The following DNAH2 variants were observed in gnomAD, a reference collection of about 807,000 sequenced individuals.
The protein encoded by DNAH2 is axonemal beta dynein heavy chain 2.
In DNAH2, 323 loss-of-function variants were observed where a neutral mutation model predicts 523.5. The observed-to-expected ratio is 0.62, with a 90% CI of 0.56 to 0.68. The LOEUF (loss-of-function observed/expected upper bound fraction) is 0.68, where lower values mean the gene tolerates loss of function less well. Ranked by LOEUF, DNAH2 falls within the 30% of genes least tolerant of loss-of-function variation. The pLI is 0.00. For synonymous variants in DNAH2, 2,093 were observed against 2,177.4 expected, an observed-to-expected ratio of 0.96 and a Z score of 1.08; for missense variants, 4,907 against 5,701.5, an observed-to-expected ratio of 0.86 and a Z score of 4.49.
intron 46 of DNAH2, 40 bp from the exon 47 acceptor site, chr17:7,792,617 G>A (rs781372389): frequency 1.1e-5 from 17 of 1,542,240 alleles, no homozygotes; most frequent in Non-Finnish European, 1.5e-5. Flanking sequence ...GAAAGGAGTG[G>A]GCGGCTGGTC....
intron 11 of DNAH2, among the ~76,000 whole-genome samples, chr17:7,741,236 C>CTTTCTTTCTTTCTT (rs1555540639): frequency 2.3e-4 from 20 of 85,668 alleles, no homozygotes; most frequent in South Asian, 1.2e-3. Flanking sequence ...TTTTCTCTCT[C>CTTTCTTTCTTTCTT]TCTTTCTTTC....
At position 7,778,111 on chromosome 17, in the gene DNAH2, C is replaced by A. The variant is rs773667857; in HGVS notation, c.5282C>A (p.Thr1761Lys). The A allele has an allele frequency of 3.2e-5, 51 of 1,614,044 alleles. No individual in the cohort carries two copies. The highest frequency in any genetic ancestry group is 5.0e-5 in the Admixed American group (3 of 60,004). ...GACTGTGTCATCCGCCAGACCAACACGCAATTTCAGTATAATTATGAGTAC... is the reference window on the plus strand; with the variant it reads ...GACTGTGTCATCCGCCAGACCAACAAGCAATTTCAGTATAATTATGAGTAC... ...LDDCVIRQTN[T>K]QFQYNYEYLG... is the part of the protein sequence containing the mutation. The change falls in exon 34 of 86, where the codon ACG (threonine) becomes AAG (lysine). Residue 1761 changes from threonine (T) to lysine (K), a missense_variant. By Grantham distance (78) the Thr-to-Lys change is moderately conservative. Transcript: ENST00000572933.
chr17:7,801,045 G>A (rs971864189), intron 56 of DNAH2, among the ~76,000 whole-genome samples: 8 of 151,296 alleles, frequency 5.3e-5, no homozygotes, highest in East Asian at 2.0e-4. Context: ...GCTAATTTTC[G>A]TACTTTTTGT....
At chr17:7,743,380 G>A (rs1201431674) in intron 12 of DNAH2, 1 of 705,354 alleles carries the variant, frequency 1.4e-6, no homozygotes, top group Non-Finnish European at 2.6e-6. Flanking sequence ...ACAAAACAAT[G>A]ATCGGCCAGG....
intron 12 of DNAH2, among the ~76,000 whole-genome samples, chr17:7,749,421 A>T (rs912333996): frequency 6.6e-6 from 1 of 151,106 alleles, no homozygotes; most frequent in Non-Finnish European, 1.5e-5. Flanking sequence ...GCCAGCATAC[A>T]TGCCCAAGTA....
chr17:7,729,416 G>C (rs936021107), intron 4 of DNAH2, among the ~76,000 whole-genome samples: 8 of 151,432 alleles, frequency 5.3e-5, no homozygotes, highest in African/African-American at 1.9e-4. Flanking sequence ...AGAGAGAGAG[G>C]AGGAGCCTAG....
Position 7,778,291 on chromosome 17 carries a change from C to G in DNAH2, c.5363C>G (p.Thr1788Arg). 6.2e-7 allele frequency: 1 copy of G among 1,614,172 alleles called. No homozygotes were observed. The highest frequency in any genetic ancestry group is 1.3e-5 in the African/African-American group (1 of 75,066). Reference protein sequence around the residue: ...ITPLTDRCYMTLTTALHLHRG... With the variant: ...ITPLTDRCYMRLTTALHLHRG... The stretch of plus-strand genomic sequence containing the variant: ...TCCTCAATTCTCAGGTGTTACATGA[C>G]ACTGACCACGGCATTGCACCTGCAC... The change falls in exon 35 of 86, where the codon ACA becomes AGA. Residue 1788 changes from threonine (T) to arginine (R), a missense_variant. Thr to Arg is a moderately conservative substitution (Grantham distance 71). Transcript: ENST00000572933.
chr17:7,739,592 A>C lies in DNAH2; in HGVS notation c.1171-141A>C, dbSNP rs1165340087. ...AGCTGGTTGGCCCTCCCTGGTTTTTAGATATTTTCTTCTTCTTTTTTTTTT... is the reference window on the plus strand; with the variant it reads ...AGCTGGTTGGCCCTCCCTGGTTTTTCGATATTTTCTTCTTCTTTTTTTTTT... On this transcript the variant is annotated intron_variant, in intron 8 of 85. Transcript: ENST00000572933. 1.2e-5 allele frequency: 10 copies of C among 834,352 alleles called. No individual in the cohort carries two copies. The African/African-American group carries it at 1.7e-4, about 14-fold the overall frequency. The allele number at this position is 834,352 out of a possible 1,614,324, so 51.7% of individuals were successfully genotyped here.
chr17:7,764,046 G>A lies in DNAH2; in HGVS notation c.3179+15G>A, dbSNP rs115185819. 4,090 of 1,614,128 alleles carry A rather than the reference G, an allele frequency of 2.5e-3. 57 individuals carry two copies. The African/African-American group carries it at 0.036, about 14-fold the overall frequency. ...AACGCAGAGAAGTGCGGGCTGGGGC[G>A]CCCCACAGGAAGGGGGCAGGGGCAG... On this transcript the variant is annotated intron_variant, in intron 19 of 85. Transcript: ENST00000572933.
chr17:7,780,157 G>C lies in DNAH2; in HGVS notation c.5723G>C (p.Gly1908Ala). The C allele has an allele frequency of 6.2e-7, 1 of 1,609,554 alleles. No homozygotes were observed. The highest frequency in any genetic ancestry group is 8.5e-7 in the Non-Finnish European group (1 of 1,178,252). ...SCGIFITMNP[G>A]YAGRTELPEN... ...CTAAGCAAGTGGCATTGTTTTCCAG[G>C]CTATGCTGGCCGCACAGAGCTTCCC... Residue 1908 changes from glycine (G) to alanine (A), a missense_variant and splice_region_variant, in exon 37 of 86, where the codon GGC becomes GCC. Gly to Ala is a moderately conservative substitution (Grantham distance 60). Around this residue, in one of 3 missense-constraint regions of DNAH2, gnomAD observed 2,806 missense variants for 3,190.8 expected, o/e 0.88. Coordinates refer to ENST00000572933, the MANE Select transcript of DNAH2 (RefSeq NM_020877.5). This position sits in a 1 kb window ranked among gnomAD's most constrained non-coding sequence, Gnocchi z 4.4.
At chr17:7,788,266 C>CGGGCAG (rs751804406) in intron 44 of DNAH2, 22 bp downstream of exon 44, 1 of 1,546,560 alleles carries the variant, frequency 6.5e-7, no homozygotes, top group South Asian at 1.2e-5. Flanking sequence ...ACACAGACCA[C>CGGGCAG]GGGCAGGGGC....
At position 7,816,635 on chromosome 17, in the gene DNAH2, T is replaced by C. The variant is rs756295939; in HGVS notation, c.9794T>C (p.Leu3265Pro). 2 of 1,614,062 alleles carry C rather than the reference T, an allele frequency of 1.2e-6. No individual in the cohort carries two copies. Among genetic ancestry groups the C allele is most frequent in the Non-Finnish European group, 1.7e-6 (2 of 1,180,036 alleles). ...GAGAAGCTGGCACAGAAGGAGGAGC[T>C]TCGCAAGAAGTCTGAAGAGATGGAG... Reference protein sequence around the residue: ...YDEKLAQKEELRKKSEEMELK... With the variant: ...YDEKLAQKEEPRKKSEEMELK... Residue 3265 changes from leucine to proline, a missense_variant, in exon 64 of 86, where the codon CTT (leucine) becomes CCT (proline). Physicochemically the swap from Leu to Pro is moderately conservative, Grantham distance 98 (BLOSUM62 -3). Around this residue, in one of 3 missense-constraint regions of DNAH2, gnomAD observed 1,851 missense variants for 2,139.4 expected, o/e 0.87. Coordinates refer to ENST00000572933, the MANE Select transcript of DNAH2 (RefSeq NM_020877.5).
intron 45 of DNAH2, 79 bp downstream of exon 45, chr17:7,792,148 G>T: frequency 6.2e-7 from 1 of 1,601,492 alleles, no homozygotes; most frequent in Non-Finnish European, 8.5e-7. Flanking sequence ...GCTCTGCTTG[G>T]GTTTCCCTCT....
chr17:7,819,590 G>A (rs777108667), intron 72 of DNAH2, among the ~76,000 whole-genome samples, 182 bp downstream of exon 72: 2 of 152,212 alleles, frequency 1.3e-5, no homozygotes, highest in Non-Finnish European at 2.9e-5. Flanking sequence ...ATGATTCCCT[G>A]TCTTGTGTCT....
intron 63 of DNAH2, among the ~76,000 whole-genome samples, chr17:7,808,798 C>T (rs59099158): frequency 0.02 from 3,111 of 152,032 alleles, 99 homozygotes; most frequent in East Asian, 0.12. Context: ...TTAGTAGAGA[C>T]GGGGTTTTGC....
At chr17:7,738,048 A>C (rs1436982099) in intron 8 of DNAH2, 1 of 703,406 alleles carries the variant, frequency 1.4e-6, no homozygotes, top group South Asian at 1.5e-5. Flanking sequence ...AGCAAGGAGG[A>C]CCTGCAAGGC....
In DNAH2 at chr17:7,818,292, T is replaced by C. The variant is rs2077742132; in HGVS notation, c.10388-20T>C. On this transcript the variant is annotated intron_variant, in intron 68 of 85. Coordinates refer to ENST00000572933, the MANE Select transcript of DNAH2 (RefSeq NM_020877.5). ...ACCCATCACATGGAGTCCTTGCCCC[T>C]GACCCTTCCGTGGATGCAGGTGGTC... 1 of 1,613,150 alleles carries C rather than the reference T, an allele frequency of 6.2e-7. No individual in the cohort carries two copies.
At chr17:7,741,243 T>TC (rs1223680494) in intron 11 of DNAH2, among the ~76,000 whole-genome samples, 2 of 28,950 alleles carry the variant, frequency 6.9e-5, no homozygotes, top group African/African-American at 1.7e-4. Flanking sequence ...TCTCTCTTTC[T>TC]TTCTTTCTTT....
chr17:7,821,627 G>A lies in DNAH2; in HGVS notation c.11142+258G>A, dbSNP rs2077857441. Among the ~76,000 whole-genome samples the A allele has an allele frequency of 6.6e-6, 1 of 152,102 alleles. No individual in the cohort carries two copies. Among genetic ancestry groups the A allele is most frequent in the African/African-American group, 2.4e-5 (1 of 41,408 alleles). ...ACCCACAAACTGGCCTGATCTTGCC[G>A]CTTTTTTACTGCCTTTCAAGGCACT... is the stretch of plus-strand genomic sequence containing the variant. On this transcript the variant is annotated intron_variant, in intron 73 of 85. Transcript: ENST00000572933. The surrounding 1 kb of genome is among the most constrained non-coding windows in gnomAD (Gnocchi z 5.0).
Sources: allele counts gnomAD v4.1 joint callset (sites outside exome capture counted in the v4.1 genomes callset), GRCh38; gene constraint gnomAD v4.1.1; regional missense constraint gnomAD v4.1.1; non-coding constraint Gnocchi (gnomAD v3.1); transcripts MANE v1.5; gene names NCBI Gene and HGNC (gene_info 2026-07-23, HGNC 2026-07-21).